Variants in ERG observed in about 807,000 individuals in gnomAD.
The protein encoded by ERG is ETS transcription factor ERG.
Under a neutral mutation model 55.3 loss-of-function variants are expected in ERG, and 9 were observed. That is an observed-to-expected ratio of 0.16 (90% confidence interval 0.10 to 0.28). The LOEUF is 0.28. Among genes scored for constraint, ERG ranks in the 10% least tolerant of loss-of-function variants. The pLI is 1.00. For missense variants in ERG, 434 were observed against 631.6 expected, an observed-to-expected ratio of 0.69 and a Z score of 3.35; for synonymous variants, 223 against 237.3, an observed-to-expected ratio of 0.94 and a Z score of 0.55.
At chr21:38,487,625 T>C (rs536039916) in intron 1 of ERG, among the ~76,000 whole-genome samples, 27 of 152,218 alleles carry the variant, frequency 1.8e-4, no homozygotes, top group Middle Eastern at 6.8e-3. Context: ...ACTCAGGAGA[T>C]CAGGGAAGTC....
At chr21:38,574,184 C>T (rs1400885398) in intron 2 of ERG, among the ~76,000 whole-genome samples, 1 of 152,200 alleles carries the variant, frequency 6.6e-6, no homozygotes, top group Admixed American at 6.5e-5. Context: ...TTGCATCATG[C>T]AGCTTCATGG....
chr21:38,500,550 T>TACTGTAACTCTG (rs1275451496), upstream of ERG, among the ~76,000 whole-genome samples: 2 of 152,230 alleles, frequency 1.3e-5, no homozygotes, highest in Non-Finnish European at 2.9e-5. Flanking sequence ...TAACTCTGAT[T>TACTGTAACTCTG]GTCTACTGGT....
chr21:38,381,279 G>A lies in ERG; in HGVS notation c.*2124C>T, dbSNP rs1054308633. 16 of 1,065,088 alleles carry A rather than the reference G, an allele frequency of 1.5e-5. No homozygotes were observed. Among genetic ancestry groups the A allele is most frequent in the African/African-American group, 1.6e-5 (1 of 61,080 alleles). The allele number at this position is 1,065,088 out of a possible 1,614,324, so 66.0% of individuals were successfully genotyped here. A position where few individuals can be genotyped will look rare whatever the true frequency, so the allele number is the denominator to read the frequency against. ...GAAACCTATTCAGCTAAGATGTTTC[G>A]GCTAGCGCCTTCGCACGGTCACCTT... On this transcript the variant is annotated 3_prime_UTR_variant, in exon 10 of 10. Transcript: ENST00000288319.
At chr21:38,508,742 T>A (rs1003407633) in intron 2 of ERG, among the ~76,000 whole-genome samples, 22 of 152,218 alleles carry the variant, frequency 1.4e-4, no homozygotes, top group Admixed American at 1.4e-3. Context: ...CCATCATGCA[T>A]AACCTTCTAT....
intron 1 of ERG, among the ~76,000 whole-genome samples, chr21:38,608,958 C>T (rs1724151278): frequency 6.6e-6 from 1 of 152,202 alleles, no homozygotes; most frequent in African/African-American, 2.4e-5. Context: ...TACATAGACA[C>T]AGCACAATGA....
Position 38,391,663 on chromosome 21 carries a change from C to G in ERG, c.867G>C (p.Gln289His), listed in dbSNP as rs774459423. The G allele has an allele frequency of 1.2e-6, 2 of 1,613,450 alleles. No individual in the cohort carries two copies. The highest frequency in any genetic ancestry group is 1.7e-6 in the Non-Finnish European group (2 of 1,179,726). ...CAGACGGCCCCTGAAACATACCTAA[C>G]TGAGGACGCTGGTCTTCAGTTTTGG... ...TVPKTEDQRP[Q>H]LDPYQILGPT... The change falls in exon 8 of 10, where the codon CAG (glutamine) becomes CAC (histidine). Residue 289 changes from glutamine (Q) to histidine (H), a missense_variant. Coordinates refer to ENST00000288319, the MANE Select transcript of ERG (RefSeq NM_182918.4).
intron 1 of ERG, among the ~76,000 whole-genome samples, chr21:38,582,350 G>A (rs780718161): frequency 2.0e-5 from 3 of 152,188 alleles, no homozygotes; most frequent in Non-Finnish European, 2.9e-5. Flanking sequence ...GCTAACTTCC[G>A]GTAGTCAGTG....
At position 38,383,111 on chromosome 21, in the gene ERG, T is replaced by G; in HGVS notation, c.*292A>C. 2.6e-6 allele frequency: 3 copies of G among 1,155,554 alleles called. No individual in the cohort carries two copies. The highest frequency in any genetic ancestry group is 3.2e-6 in the Non-Finnish European group (3 of 939,152). The allele number at this position is 1,155,554 out of a possible 1,614,324, so 71.6% of individuals were successfully genotyped here. ...TTATACATTTCTTAAGACCACTTTC[T>G]TTGGCACTTTGTCCTTAAGACTTCA... On this transcript the variant is annotated 3_prime_UTR_variant, in exon 10 of 10. Coordinates refer to ENST00000288319, the MANE Select transcript of ERG (RefSeq NM_182918.4). The surrounding 1 kb of genome is among the most constrained non-coding windows in gnomAD (Gnocchi z 5.7).
chr21:38,532,143 G>A (rs1247839964), intron 2 of ERG, among the ~76,000 whole-genome samples: 2 of 152,176 alleles, frequency 1.3e-5, no homozygotes, highest in African/African-American at 4.8e-5. Context: ...GACGATCCAA[G>A]GTAACAAAGG....
chr21:38,575,806 G>A, intron 1 of ERG: 1 of 1,288,414 alleles, frequency 7.8e-7, no homozygotes, highest in East Asian at 2.3e-5. Context: ...TGTGTTTTAT[G>A]TTCTAGCAGG....
intron 1 of ERG, among the ~76,000 whole-genome samples, chr21:38,626,966 G>A (rs16996605): frequency 0.023 from 3,447 of 152,092 alleles, 129 homozygotes; most frequent in African/African-American, 0.076. Context: ...ATAAACTACA[G>A]TTTTGCAGCC....
At chr21:38,648,669 G>A (rs1474501848) in intron 1 of ERG, among the ~76,000 whole-genome samples, 3 of 152,222 alleles carry the variant, frequency 2.0e-5, no homozygotes, top group South Asian at 4.1e-4. Flanking sequence ...CTAATGGCAA[G>A]GGCCAAAGAA....
chr21:38,571,896 G>A (rs1286453927), intron 2 of ERG, among the ~76,000 whole-genome samples: 2 of 152,328 alleles, frequency 1.3e-5, no homozygotes, highest in African/African-American at 4.8e-5. Flanking sequence ...GGACTGTGAT[G>A]ACACAGAGTC....
rs757545426 is a variant in ERG at position 38,399,190 on chromosome 21, C to G, written c.745+1384G>C. On this transcript the variant is annotated intron_variant, in intron 6 of 9. Transcript: ENST00000288319. ...AGAGATGACTTACTACCTCTTAGTA[C>G]CCCTTAGCTGCTAAGCCTTTCCATC... Among the ~76,000 whole-genome samples, 206 of 152,206 alleles carry G rather than the reference C, an allele frequency of 1.4e-3. 2 individuals are homozygous for G. Among genetic ancestry groups the G allele is most frequent in the Non-Finnish European group, 2.4e-3 (161 of 68,024 alleles).
chr21:38,405,618 G>A lies in ERG; in HGVS notation c.389-1909C>T, dbSNP rs1014477009. On this transcript the variant is annotated intron_variant, in intron 3 of 9. Transcript: ENST00000288319. The stretch of plus-strand genomic sequence containing the variant: ...TTCCCTGGGCCTCACTATTCCAAGC[G>A]TGGTCCTCCAACCGCGGAAGCATCA... Among the ~76,000 whole-genome samples, 8 of 152,134 alleles carry A rather than the reference G, an allele frequency of 5.3e-5. No homozygotes were observed. In the South Asian group the frequency reaches 1.5e-3, roughly 28 times the overall value.
intron 1 of ERG, among the ~76,000 whole-genome samples, chr21:38,640,170 AT>A (rs1371794056): frequency 6.6e-6 from 1 of 152,242 alleles, no homozygotes; most frequent in Non-Finnish European, 1.5e-5. Flanking sequence ...TTGAAAATCA[AT>A]GAAAAATCAA....
At chr21:38,461,220 G>C (rs1309182013) in intron 1 of ERG, among the ~76,000 whole-genome samples, 1 of 152,112 alleles carries the variant, frequency 6.6e-6, no homozygotes, top group Non-Finnish European at 1.5e-5. Flanking sequence ...TCCCTCCTTA[G>C]CTTGTGGATG....
At chr21:38,403,230 C>T (rs1988591158) in intron 4 of ERG, among the ~76,000 whole-genome samples, 1 of 152,192 alleles carries the variant, frequency 6.6e-6, no homozygotes, top group Admixed American at 6.5e-5. Context: ...CTTTGACATT[C>T]CATCTTCTTG....
chr21:38,368,512 T>C, the ERG span, among the ~76,000 whole-genome samples: 7 of 152,194 alleles, frequency 4.6e-5, no homozygotes, highest in Non-Finnish European at 8.8e-5. Context: ...TCTATATGCA[T>C]GACCCAATCA....
Sources: allele counts gnomAD v4.1 joint callset (sites outside exome capture counted in the v4.1 genomes callset), GRCh38; gene constraint gnomAD v4.1.1; non-coding constraint Gnocchi (gnomAD v3.1); transcripts MANE v1.5; gene names NCBI Gene and HGNC (gene_info 2026-07-23, HGNC 2026-07-21).